PDE3B: variants seen among roughly 807,000 people sequenced by gnomAD.
PDE3B encodes cGMP-inhibited 3',5'-cyclic phosphodiesterase 3B.
In PDE3B, 66 loss-of-function variants were observed where a neutral mutation model predicts 116.8. The ratio of observed to expected loss-of-function variants is 0.56; its 90% CI spans 0.46 to 0.69. The LOEUF (loss-of-function observed/expected upper bound fraction) is 0.69, where lower values mean the gene tolerates loss of function less well. PDE3B is among the 30% of genes least tolerant of loss of function. The probability of loss-of-function intolerance (pLI) is 0.00; values close to 1 mark genes in which losing one functional copy is unlikely to be tolerated. For missense variants in PDE3B, 1,384 were observed against 1,368.1 expected, an observed-to-expected ratio of 1.01 and a Z score of -0.18; for synonymous variants, 595 against 533.6, an observed-to-expected ratio of 1.12 and a Z score of -1.59.
chr11:14,833,086 G>A (rs117040067), intron 10 of PDE3B, among the ~76,000 whole-genome samples: 2,099 of 151,876 alleles, frequency 0.014, 26 homozygotes, highest in Non-Finnish European at 0.024. Context: ...CAGGTAGCTG[G>A]GATTACAGGT....
the PDE3B span, among the ~76,000 whole-genome samples, chr11:14,893,899 T>C: frequency 6.6e-6 from 1 of 152,142 alleles, no homozygotes; most frequent in Non-Finnish European, 1.5e-5. Flanking sequence ...TTCTGCCTAC[T>C]ATAGAAGAGA....
At chr11:14,683,560 CTT>C (rs998908795) in intron 1 of PDE3B, among the ~76,000 whole-genome samples, 2 of 151,790 alleles carry the variant, frequency 1.3e-5, no homozygotes, top group African/African-American at 2.4e-5. Context: ...TTATGTCTAT[CTT>C]TTTTTCTTTA....
At chr11:14,698,411 G>T (rs562083122) in intron 1 of PDE3B, among the ~76,000 whole-genome samples, 2 of 151,798 alleles carry the variant, frequency 1.3e-5, no homozygotes, top group Non-Finnish European at 2.9e-5. Flanking sequence ...TATTACTTAG[G>T]TTTATTTTTG....
At position 14,661,637 on chromosome 11, in the gene PDE3B, G is replaced by A. The variant is rs186197284; in HGVS notation, c.978+16584G>A. On this transcript the variant is annotated intron_variant, in intron 1 of 15. Transcript: ENST00000282096. ...CGCTTTTCCGACGGGCTTAAAAAAC[G>A]GCGCACCACAAGATTATATCCCGCA... Among the ~76,000 whole-genome samples, 997 of 152,284 alleles carry A rather than the reference G, an allele frequency of 6.5e-3. 5 individuals are homozygous for A. The highest frequency in any genetic ancestry group is 0.014 in the Middle Eastern group (4 of 294).
Position 14,662,316 on chromosome 11 carries a change from A to G in PDE3B, c.978+17263A>G, listed in dbSNP as rs572448079. 1.8e-4 allele frequency among the ~76,000 whole-genome samples: 27 copies of G among 152,320 alleles called. 1 individual carries two copies. In the East Asian group the frequency reaches 2.5e-3, roughly 14 times the overall value. On this transcript the variant is annotated intron_variant, in intron 1 of 15. Coordinates refer to ENST00000282096, the MANE Select transcript of PDE3B (RefSeq NM_000922.4). Reference sequence around the variant, plus strand: ...ACCAAAAACCCATCTGTACATCACCATCATCAAAGACCAGAAGTAGATAAA... The same window carrying G: ...ACCAAAAACCCATCTGTACATCACCGTCATCAAAGACCAGAAGTAGATAAA...
intron 1 of PDE3B, among the ~76,000 whole-genome samples, chr11:14,749,893 A>G (rs1206511728): frequency 2.1e-5 from 1 of 47,342 alleles, no homozygotes; most frequent in Non-Finnish European, 4.1e-5. Context: ...TAAAATAAAT[A>G]TATCCCATAT....
At chr11:14,662,953 G>C (rs1271247392) in intron 1 of PDE3B, among the ~76,000 whole-genome samples, 1 of 151,880 alleles carries the variant, frequency 6.6e-6, no homozygotes, top group Non-Finnish European at 1.5e-5. Context: ...AGGAAATACA[G>C]AGAACGCCAC....
intron 1 of PDE3B, among the ~76,000 whole-genome samples, chr11:14,695,476 T>G (rs1298076602): frequency 6.6e-6 from 1 of 152,136 alleles, no homozygotes; most frequent in African/African-American, 2.4e-5. Context: ...AAGGAGTGGG[T>G]TTACTGAGTC....
intron 4 of PDE3B, among the ~76,000 whole-genome samples, chr11:14,797,240 T>C (rs1283526272): frequency 6.6e-6 from 1 of 152,164 alleles, no homozygotes; most frequent in Non-Finnish European, 1.5e-5. Flanking sequence ...TTGGTACCAG[T>C]ACCAGAGGAA....
chr11:14,769,237 A>G (rs1476001134), intron 1 of PDE3B, among the ~76,000 whole-genome samples: 1 of 151,406 alleles, frequency 6.6e-6, no homozygotes, highest in African/African-American at 2.4e-5. Flanking sequence ...TTGTAATACT[A>G]CAATATTGTA....
chr11:14,737,865 G>A (rs1352515121), intron 1 of PDE3B, among the ~76,000 whole-genome samples: 5 of 148,562 alleles, frequency 3.4e-5, no homozygotes, highest in South Asian at 2.1e-4. Context: ...GAGAACATGC[G>A]GTGTTTGGTT....
intron 1 of PDE3B, among the ~76,000 whole-genome samples, chr11:14,714,905 A>C (rs984166694): frequency 1.3e-5 from 2 of 152,212 alleles, no homozygotes; most frequent in African/African-American, 4.8e-5. Context: ...AGAAGGGCTG[A>C]CCAAGCAGTA....
chr11:14,786,699 A>G lies in PDE3B; in HGVS notation c.1278+14A>G. ...AAACTTAACAAGGTCGAAATACAGTAATCATCTAACCCTATTTATCAAATT... is the reference window on the plus strand; with the variant it reads ...AAACTTAACAAGGTCGAAATACAGTGATCATCTAACCCTATTTATCAAATT... On this transcript the variant is annotated intron_variant, in intron 3 of 15. Transcript: ENST00000282096. 1 of 1,590,810 alleles carries G rather than the reference A, an allele frequency of 6.3e-7. No individual in the cohort carries two copies.
intron 8 of PDE3B, among the ~76,000 whole-genome samples, chr11:14,831,280 A>T (rs1336329017): frequency 1.3e-5 from 2 of 151,710 alleles, no homozygotes; most frequent in African/African-American, 4.8e-5. Flanking sequence ...TATCCTGGTA[A>T]TAAATGCCAA....
rs954177703 is a variant in PDE3B at position 14,846,893 on chromosome 11, G to A, written c.2520+2867G>A. ...TAGACTCCCACACAATAATAATGGG[G>A]GACTTTAACACCCCACTGTCAACAT... On this transcript the variant is annotated intron_variant, in intron 12 of 15. Transcript: ENST00000282096. Among the ~76,000 whole-genome samples, 794 of 152,058 alleles carry A rather than the reference G, an allele frequency of 5.2e-3. 6 individuals are homozygous for A. The highest frequency in any genetic ancestry group is 0.016 in the African/African-American group (661 of 41,466).
intron 12 of PDE3B, among the ~76,000 whole-genome samples, chr11:14,854,903 A>C: frequency 1.2e-5 from 1 of 81,606 alleles, no homozygotes; most frequent in African/African-American, 5.5e-5. Flanking sequence ...CTAAGATGGA[A>C]AGAATAACTG....
chr11:14,804,153 C>A, intron 5 of PDE3B, 103 bp downstream of exon 5: 2 of 674,630 alleles, frequency 3.0e-6, no homozygotes, highest in South Asian at 1.8e-5. Context: ...AATACAATTT[C>A]ATGTATTATA....
At chr11:14,651,514 T>G (rs1853574524) in intron 1 of PDE3B, among the ~76,000 whole-genome samples, 1 of 152,314 alleles carries the variant, frequency 6.6e-6, no homozygotes. Context: ...GAATATAAAT[T>G]GATACATTTA....
At chr11:14,721,627 A>G (rs1385078121) in intron 1 of PDE3B, among the ~76,000 whole-genome samples, 7 of 148,534 alleles carry the variant, frequency 4.7e-5, no homozygotes, top group Non-Finnish European at 7.4e-5. Context: ...CTTTCTAGGG[A>G]CATGGATGAA....
Sources: gnomAD v4.1 joint callset for allele counts (sites outside exome capture counted in the v4.1 genomes callset) on GRCh38, gnomAD v4.1.1 for gene constraint, MANE v1.5 for transcripts, NCBI Gene and HGNC (gene_info 2026-07-23, HGNC 2026-07-21) for gene names.